The following SPARCL1 variants were observed in gnomAD, a reference collection of about 807,000 sequenced individuals.
SPARCL1 encodes the protein SPARC-like protein 1.
Under a neutral mutation model 67.1 loss-of-function variants are expected in SPARCL1, and 52 were observed. That is an observed-to-expected ratio of 0.78 (90% confidence interval 0.62 to 0.98). The LOEUF (loss-of-function observed/expected upper bound fraction) is 0.98, where lower values mean the gene tolerates loss of function less well. Among genes scored for constraint, SPARCL1 ranks in the 50% least tolerant of loss-of-function variants. The pLI is 0.00. For missense variants in SPARCL1, 717 were observed against 782.4 expected (o/e 0.92, Z 1.00); for synonymous variants, 226 against 267.8 (o/e 0.84, Z 1.52).
chr4:87,520,371 G>GA (rs907337199), intron 1 of SPARCL1, among the ~76,000 whole-genome samples: 12 of 151,758 alleles, frequency 7.9e-5, no homozygotes, highest in African/African-American at 4.8e-5. Flanking sequence ...CATCTTGCCG[G>GA]AAAAAAAAGT....
intron 1 of SPARCL1, among the ~76,000 whole-genome samples, chr4:87,500,421 C>T (rs913353072): frequency 1.3e-5 from 2 of 152,096 alleles, no homozygotes; most frequent in Admixed American, 1.3e-4. Context: ...AAGGCTTTTC[C>T]CACACACCAG....
chr4:87,493,982 T>C lies in SPARCL1; in HGVS notation c.818A>G (p.Asn273Ser), dbSNP rs1724486942. ...QGNQEQEDNS[N>S]AEMEEENASN... The stretch of plus-strand genomic sequence containing the variant: ...TGCATTTTCCTCTTCCATTTCTGCA[T>C]TGGAGTTATCTTCTTGTTCTTGGTT... The change falls in exon 4 of 11, where the codon AAT (asparagine) becomes AGT (serine). Residue 273 changes from asparagine to serine, a missense_variant. Coordinates refer to ENST00000282470, the MANE Select transcript of SPARCL1 (RefSeq NM_004684.6). 4 of 1,614,068 alleles carry C rather than the reference T, an allele frequency of 2.5e-6. No individual in the cohort carries two copies. The highest frequency in any genetic ancestry group is 2.2e-5 in the South Asian group (2 of 91,078).
intron 1 of SPARCL1, among the ~76,000 whole-genome samples, chr4:87,520,323 A>G (rs530580848): frequency 2.7e-4 from 41 of 151,470 alleles, no homozygotes; most frequent in South Asian, 1.0e-3. Context: ...TAATTTATTT[A>G]TCATTTAACA....
rs1196699127 is a variant in SPARCL1 at position 87,498,016 on chromosome 4, C to A, written c.54+1505G>T. On this transcript the variant is annotated intron_variant, in intron 2 of 10. Coordinates refer to ENST00000282470, the MANE Select transcript of SPARCL1 (RefSeq NM_004684.6). ...TCAAGCGATCCTCTGGCCTTGACCT[C>A]CCAAAGTGCTGGGATTATAGGTAGG... 3.3e-5 allele frequency among the ~76,000 whole-genome samples: 5 copies of A among 152,160 alleles called. 1 individual carries two copies. Among genetic ancestry groups the A allele is most frequent in the African/African-American group, 1.2e-4 (5 of 41,438 alleles).
rs544844734 is a variant in SPARCL1 at position 87,473,651 on chromosome 4, T to C, written c.*124A>G. ...GGTTGTTGTCAAGCAATTACTCTCA[T>C]TGTCTTGTCATACATGCTAACATTT... On this transcript the variant is annotated 3_prime_UTR_variant, in exon 11 of 11. Transcript: ENST00000282470. The C allele has an allele frequency of 1.2e-5, 8 of 646,282 alleles. No individual in the cohort carries two copies. The East Asian group carries it at 1.9e-4, about 16-fold the overall frequency. 40.0% of individuals were successfully genotyped at this position (646,282 alleles called of 1,614,324 possible). A position where few individuals can be genotyped will look rare whatever the true frequency, so the allele number is the denominator to read the frequency against.
intron 2 of SPARCL1, among the ~76,000 whole-genome samples, chr4:87,495,627 A>G (rs886344545): frequency 1.3e-5 from 2 of 152,172 alleles, no homozygotes; most frequent in East Asian, 1.9e-4. Context: ...AACGTTGGTC[A>G]GGAAATCTTA....
intron 1 of SPARCL1, among the ~76,000 whole-genome samples, chr4:87,517,187 G>C (rs898619617): frequency 1.3e-5 from 2 of 151,850 alleles, no homozygotes; most frequent in Non-Finnish European, 2.9e-5. Flanking sequence ...GTTGTATTTG[G>C]GGTATAGACA....
At position 87,522,679 on chromosome 4, in the gene SPARCL1, A is replaced by ACACACG. The variant is rs1449786114; in HGVS notation, c.-12+6365_-12+6366insCGTGTG. On this transcript the variant is annotated intron_variant, in intron 1 of 10. Coordinates refer to ENST00000282470, the MANE Select transcript of SPARCL1 (RefSeq NM_004684.6). ...CACACACACACACACACACACACAC[A>ACACACG]CACGCACACACACAGAGTTAACCTC... 6.2e-3 allele frequency among the ~76,000 whole-genome samples: 912 copies of ACACACG among 148,292 alleles called. 9 individuals are homozygous for ACACACG. Among genetic ancestry groups the ACACACG allele is most frequent in the African/African-American group, 0.022 (859 of 39,540 alleles).
intron 1 of SPARCL1, among the ~76,000 whole-genome samples, chr4:87,519,934 G>C (rs1455946281): frequency 1.3e-5 from 2 of 151,994 alleles, no homozygotes; most frequent in Non-Finnish European, 2.9e-5. Flanking sequence ...CACAGCATTG[G>C]ATATCACAAA....
intron 10 of SPARCL1, among the ~76,000 whole-genome samples, chr4:87,478,702 T>C (rs1723681862): frequency 1.3e-5 from 2 of 152,138 alleles, no homozygotes. Flanking sequence ...CTTCCCAAAG[T>C]GCTGGGATTA....
intron 7 of SPARCL1, among the ~76,000 whole-genome samples, chr4:87,485,424 T>C (rs1473633321): frequency 6.6e-6 from 1 of 152,150 alleles, no homozygotes; most frequent in Non-Finnish European, 1.5e-5. Flanking sequence ...GGTGACTTGA[T>C]TGTGGTAGAT....
chr4:87,496,022 A>G lies in SPARCL1; in HGVS notation c.55-895T>C, dbSNP rs906495431. ...GGGCATGTCTGGAGTATTAATTTCT[A>G]TTAGAGGGATGGTCCTATTTCTAGC... On this transcript the variant is annotated intron_variant, in intron 2 of 10. Coordinates refer to ENST00000282470, the MANE Select transcript of SPARCL1 (RefSeq NM_004684.6). Among the ~76,000 whole-genome samples the G allele has an allele frequency of 2.6e-5, 4 of 152,120 alleles. No individual in the cohort carries two copies. The South Asian group carries it at 6.2e-4, about 24-fold the overall frequency.
intron 1 of SPARCL1, among the ~76,000 whole-genome samples, chr4:87,517,242 G>A (rs1393872929): frequency 6.6e-6 from 1 of 152,064 alleles, no homozygotes; most frequent in Non-Finnish European, 1.5e-5. Flanking sequence ...TAGGAAGCTT[G>A]AGTTTCAAGG....
intron 1 of SPARCL1, among the ~76,000 whole-genome samples, chr4:87,508,180 C>A (rs2110247502): frequency 6.6e-6 from 1 of 152,054 alleles, no homozygotes; most frequent in South Asian, 2.1e-4. Context: ...GTGGGGAAAC[C>A]CGGTAAGGCC....
intron 2 of SPARCL1, among the ~76,000 whole-genome samples, chr4:87,498,974 A>G (rs1035775033): frequency 2.7e-4 from 41 of 152,008 alleles, no homozygotes; most frequent in Admixed American, 9.8e-4. Flanking sequence ...CCTGGGTTCA[A>G]TTGATTCTCC....
intron 1 of SPARCL1, among the ~76,000 whole-genome samples, chr4:87,521,137 G>A (rs1171356407): frequency 2.0e-5 from 3 of 152,188 alleles, no homozygotes; most frequent in African/African-American, 4.8e-5. Context: ...GGTCGAAGTA[G>A]ATATTTGTAT....
At chr4:87,480,060 T>C (rs1393900649) in intron 9 of SPARCL1, among the ~76,000 whole-genome samples, 1 of 152,068 alleles carries the variant, frequency 6.6e-6, no homozygotes, top group African/African-American at 2.4e-5. Flanking sequence ...ATTACATAGC[T>C]TTGATAATTG....
intron 2 of SPARCL1, among the ~76,000 whole-genome samples, chr4:87,496,826 C>T (rs1461240924): frequency 2.0e-5 from 3 of 152,070 alleles, no homozygotes; most frequent in Non-Finnish European, 1.5e-5. Context: ...TTAGCAGGTC[C>T]TGTAGTGCTG....
intron 1 of SPARCL1, among the ~76,000 whole-genome samples, chr4:87,526,571 G>T (rs1321005092): frequency 6.6e-6 from 1 of 152,220 alleles, no homozygotes; most frequent in Non-Finnish European, 1.5e-5. Flanking sequence ...CAGGTGGGAA[G>T]TAACTGCCAA....
Sources: allele counts gnomAD v4.1 joint callset (sites outside exome capture counted in the v4.1 genomes callset), GRCh38; gene constraint gnomAD v4.1.1; transcripts MANE v1.5; gene names NCBI Gene and HGNC (gene_info 2026-07-23, HGNC 2026-07-21).